FAP: variants seen among roughly 807,000 people sequenced by gnomAD.
FAP encodes fibroblast activation protein alpha.
FAP carries 110 observed loss-of-function variants against 126.5 expected under a neutral mutation model. The observed-to-expected ratio is 0.87, with a 90% confidence interval of 0.74 to 1.02. The LOEUF (loss-of-function observed/expected upper bound fraction) is 1.02, where lower values mean the gene tolerates loss of function less well. Among genes scored for constraint, FAP ranks in the 50% least tolerant of loss-of-function variants. FAP has a pLI of 0.00. For missense variants in FAP, 919 were observed against 909.2 expected (o/e 1.01, Z -0.14); for synonymous variants, 334 against 297.3 (o/e 1.12, Z -1.27).
chr2:162,170,794 G>T lies in FAP; in HGVS notation c.*185C>A. On this transcript the variant is annotated 3_prime_UTR_variant, in exon 26 of 26. Transcript: ENST00000188790. ...TTTTCTCTTCTTTCACAGAGTACCA[G>T]AAAATGTAAACAATATTTAGCTTGA... The T allele has an allele frequency of 1.8e-6, 1 of 544,348 alleles. No homozygotes were observed. Among genetic ancestry groups the T allele is most frequent in the East Asian group, 3.0e-5 (1 of 33,748 alleles). The allele number at this position is 544,348 out of a possible 1,614,324, so 33.7% of individuals were successfully genotyped here.
chr2:162,242,566 TA>T (rs1690396663), intron 2 of FAP, among the ~76,000 whole-genome samples: 1 of 152,164 alleles, frequency 6.6e-6, no homozygotes, highest in Non-Finnish European at 1.5e-5. Context: ...GAGACAAACC[TA>T]ATAATGAAAA....
At chr2:162,224,766 CAT>C (rs898350507) in intron 4 of FAP, among the ~76,000 whole-genome samples, 6 of 151,802 alleles carry the variant, frequency 4.0e-5, no homozygotes, top group African/African-American at 1.2e-4. Flanking sequence ...TTTCAAGAAA[CAT>C]AAACTTTCTA....
intron 12 of FAP, among the ~76,000 whole-genome samples, chr2:162,205,446 A>G (rs1688665102): frequency 6.6e-6 from 1 of 152,162 alleles, no homozygotes; most frequent in African/African-American, 2.4e-5. Flanking sequence ...TTCAGAATGA[A>G]GTTTCACCCT....
At chr2:162,172,414 G>A (rs147191834) in intron 25 of FAP, 22 of 169,514 alleles carry the variant, frequency 1.3e-4, no homozygotes, top group African/African-American at 5.3e-4. Flanking sequence ...AGCCTTGGAG[G>A]TTTGTGATGA....
intron 2 of FAP, among the ~76,000 whole-genome samples, chr2:162,241,573 A>G (rs528349717): frequency 2.0e-5 from 3 of 152,314 alleles, no homozygotes; most frequent in East Asian, 1.9e-4. Context: ...CAGAGTATCA[A>G]TTTCAAGGTT....
At chr2:162,187,840 C>T (rs1337878731) in intron 20 of FAP, among the ~76,000 whole-genome samples, 1 of 151,942 alleles carries the variant, frequency 6.6e-6, no homozygotes, top group African/African-American at 2.4e-5. Context: ...ATTTGTTTTC[C>T]TGAAGATCAT....
chr2:162,222,770 T>C (rs1689465953), intron 6 of FAP, among the ~76,000 whole-genome samples: 1 of 152,164 alleles, frequency 6.6e-6, no homozygotes, highest in African/African-American at 2.4e-5. Flanking sequence ...ATTTTAATTA[T>C]TTCCTCATTA....
At chr2:162,236,587 A>G (rs369010890) in intron 2 of FAP, among the ~76,000 whole-genome samples, 14 of 150,238 alleles carry the variant, frequency 9.3e-5, no homozygotes, top group African/African-American at 3.5e-4. Context: ...TGCCTATTTC[A>G]TTTGTTATCT....
In FAP at chr2:162,194,407, A is replaced by G. The variant is rs539075175; in HGVS notation, c.1450+294T>C. 1.6e-3 allele frequency among the ~76,000 whole-genome samples: 248 copies of G among 152,068 alleles called. 1 individual carries two copies. The highest frequency in any genetic ancestry group is 2.1e-3 in the Non-Finnish European group (140 of 67,994). The stretch of plus-strand genomic sequence containing the variant: ...ACTGAATGTGCTAAGTTTTTTCCCA[A>G]TTCTAATCTGTGCTTTTTATAAGGC... On this transcript the variant is annotated intron_variant, in intron 17 of 25. Transcript: ENST00000188790.
In FAP at chr2:162,194,741, G is replaced by A; in HGVS notation, c.1410C>T (p.Gly470=). ...CATCATGAAGGGTGGAAATGGGGAT[G>A]CCTGGGCCTGTGGGCAGGATGAAAA... ...KYYALVCYGP[G]IPISTLHDGR... is the part of the protein sequence containing the mutation. The change falls in exon 17 of 26, where the codon GGC becomes GGT. Residue 470 remains glycine, a synonymous_variant. Transcript: ENST00000188790. 6.2e-7 allele frequency: 1 copy of A among 1,613,610 alleles called. No individual in the cohort carries two copies. The highest frequency in any genetic ancestry group is 8.5e-7 in the Non-Finnish European group (1 of 1,179,626).
At chr2:162,220,880 G>A (rs2106278753) in intron 6 of FAP, among the ~76,000 whole-genome samples, 1 of 152,296 alleles carries the variant, frequency 6.6e-6, no homozygotes, top group Non-Finnish European at 1.5e-5. Flanking sequence ...GGAAAGCAGA[G>A]CAAGACCTGC....
At chr2:162,191,664 A>G (rs944637876) in intron 17 of FAP, among the ~76,000 whole-genome samples, 2 of 152,094 alleles carry the variant, frequency 1.3e-5, no homozygotes, top group Non-Finnish European at 2.9e-5. Flanking sequence ...TCGTTTTAAA[A>G]TCCCATATTG....
intron 5 of FAP, among the ~76,000 whole-genome samples, chr2:162,224,173 G>T (rs1689532079): frequency 6.6e-6 from 1 of 152,012 alleles, no homozygotes; most frequent in African/African-American, 2.4e-5. Flanking sequence ...AAATAAATAA[G>T]AATATTTAGC....
In FAP at chr2:162,243,202, C is replaced by A; in HGVS notation, c.6+120G>T. 4.6e-6 allele frequency: 4 copies of A among 879,022 alleles called. No individual in the cohort carries two copies. In the South Asian group the frequency reaches 6.4e-5, roughly 14 times the overall value. The allele number at this position is 879,022 out of a possible 1,614,324, so 54.5% of individuals were successfully genotyped here. A position where few individuals can be genotyped will look rare whatever the true frequency, so the allele number is the denominator to read the frequency against. ...TTTAGAACAATTTTCCAATCCCAAC[C>A]CATTGAGGAAGTAAATACTTATGTA... On this transcript the variant is annotated intron_variant, in intron 1 of 25. Transcript: ENST00000188790.
intron 20 of FAP, among the ~76,000 whole-genome samples, chr2:162,185,681 C>T (rs368146579): frequency 5.9e-5 from 9 of 151,926 alleles, no homozygotes; most frequent in African/African-American, 9.7e-5. Flanking sequence ...CAAATATGTA[C>T]GTACGATTTT....
intron 12 of FAP, among the ~76,000 whole-genome samples, chr2:162,203,499 T>C (rs1464536659): frequency 6.6e-6 from 1 of 152,136 alleles, no homozygotes; most frequent in Admixed American, 6.5e-5. Flanking sequence ...TAAAATGAGG[T>C]ATTTGACCAA....
rs1440295184 is a variant in FAP at position 162,219,933 on chromosome 2, G to A, written c.414-8C>T. 1 of 1,575,994 alleles carries A rather than the reference G, an allele frequency of 6.3e-7. No homozygotes were observed. The highest frequency in any genetic ancestry group is 2.3e-5 in the East Asian group (1 of 44,416). ...TTTCCTCTTACAAATTCTCTAGAAG[G>A]AAAGAAAGAAAGAAAAACAACAAAC... is the stretch of plus-strand genomic sequence containing the variant. On this transcript the variant is annotated splice_region_variant and splice_polypyrimidine_tract_variant and intron_variant, in intron 6 of 25. Transcript: ENST00000188790.
chr2:162,174,824 G>A (rs751611188), intron 22 of FAP, 43 bp downstream of exon 22: 63 of 1,344,956 alleles, frequency 4.7e-5, no homozygotes, highest in Middle Eastern at 3.6e-4. Context: ...GAGTAATTAC[G>A]TGTTAAATGC....
At chr2:162,198,486 C>T (rs1420870969) in intron 16 of FAP, 1 of 704,890 alleles carries the variant, frequency 1.4e-6, no homozygotes. Context: ...GAGGCAACAG[C>T]ACTTGCTTCA....
Sources: allele counts gnomAD v4.1 joint callset (sites outside exome capture counted in the v4.1 genomes callset), GRCh38; gene constraint gnomAD v4.1.1; transcripts MANE v1.5; gene names NCBI Gene and HGNC (gene_info 2026-07-23, HGNC 2026-07-21).